The following CNTLN variants were observed in gnomAD, a reference collection of about 807,000 sequenced individuals.
CNTLN encodes centlein, centrosomal protein.
In CNTLN, 212 loss-of-function variants were observed where a neutral mutation model predicts 180.0. That is an observed-to-expected ratio of 1.18 (90% confidence interval 1.05 to 1.32). The LOEUF is 1.32. Ranked by LOEUF, CNTLN falls within the 40% of genes most tolerant of loss-of-function variation. The probability of loss-of-function intolerance (pLI) is 0.00; values close to 1 mark genes in which losing one functional copy is unlikely to be tolerated. For synonymous variants in CNTLN, 722 were observed against 563.1 expected (o/e 1.28, Z -3.99); for missense variants, 2,095 against 1,610.9 (o/e 1.30, Z -5.14).
At chr9:17,360,179 T>C (rs1456390984) in intron 12 of CNTLN, among the ~76,000 whole-genome samples, 1 of 152,228 alleles carries the variant, frequency 6.6e-6, no homozygotes, top group Non-Finnish European at 1.5e-5. Flanking sequence ...TCTTGGATTC[T>C]TCTTTGAAAG....
intron 15 of CNTLN, among the ~76,000 whole-genome samples, chr9:17,404,924 A>T (rs1564076579): frequency 6.6e-6 from 1 of 151,372 alleles, no homozygotes; most frequent in African/African-American, 2.4e-5. Flanking sequence ...TTTTAGTAGA[A>T]ATGGGGTTTC....
the CNTLN span, among the ~76,000 whole-genome samples, chr9:17,521,265 A>AGAGAGAGAGAG: frequency 9.4e-4 from 111 of 118,602 alleles, no homozygotes; most frequent in Non-Finnish European, 1.1e-3. Flanking sequence ...AAGGGAGAAA[A>AGAGAGAGAGAG]AGAGAGAGAG....
the CNTLN span, among the ~76,000 whole-genome samples, chr9:17,516,428 A>G: frequency 1.3e-5 from 2 of 152,228 alleles, no homozygotes; most frequent in African/African-American, 4.8e-5. Context: ...TTTATGTGAT[A>G]TGGGAACCTT....
At chr9:17,334,587 A>G (rs1016522307) in intron 10 of CNTLN, among the ~76,000 whole-genome samples, 2 of 152,216 alleles carry the variant, frequency 1.3e-5, no homozygotes, top group Admixed American at 6.5e-5. Flanking sequence ...CTATGCAGCC[A>G]TAAGAAAGAA....
intron 2 of CNTLN, among the ~76,000 whole-genome samples, chr9:17,164,982 C>A (rs969349407): frequency 6.6e-6 from 1 of 151,312 alleles, no homozygotes; most frequent in Non-Finnish European, 1.5e-5. Flanking sequence ...ATTACAGGTG[C>A]CTGCCATGAT....
At chr9:17,266,530 G>A (rs1372928643) in intron 5 of CNTLN, among the ~76,000 whole-genome samples, 6 of 152,156 alleles carry the variant, frequency 3.9e-5, no homozygotes. Context: ...TTGGGGTGGA[G>A]AGTTCTGTAG....
In CNTLN at chr9:17,388,399, A is replaced by C. The variant is rs950026012; in HGVS notation, c.2079+146A>C. The C allele has an allele frequency of 8.8e-6, 5 of 570,932 alleles. No homozygotes were observed. The African/African-American group carries it at 9.3e-5, about 11-fold the overall frequency. 35.4% of individuals were successfully genotyped at this position (570,932 alleles called of 1,614,324 possible). On this transcript the variant is annotated intron_variant, in intron 14 of 25. Coordinates refer to ENST00000380647, the MANE Select transcript of CNTLN (RefSeq NM_017738.4). ...ATAATTCAAAATCATTGGCTTGCCA[A>C]AATGGGGTAAAAAAAATCAATGTTA...
chr9:17,218,679 G>A (rs190881181), intron 2 of CNTLN, among the ~76,000 whole-genome samples: 2 of 152,056 alleles, frequency 1.3e-5, no homozygotes, highest in African/African-American at 2.4e-5. Flanking sequence ...GAAAGAAAAC[G>A]TTAGTCCAAT....
At chr9:17,340,267 C>G (rs1315219268) in intron 10 of CNTLN, among the ~76,000 whole-genome samples, 1 of 152,170 alleles carries the variant, frequency 6.6e-6, no homozygotes, top group Non-Finnish European at 1.5e-5. Context: ...GTAAGCCTAG[C>G]TTTCCCATTC....
chr9:17,511,648 T>TCTCACACACACACA, the CNTLN span, among the ~76,000 whole-genome samples: 13 of 146,686 alleles, frequency 8.9e-5, no homozygotes, highest in African/African-American at 3.3e-4. Flanking sequence ...TCTCTCTCTC[T>TCTCACACACACACA]CACACACACA....
At chr9:17,393,258 A>G (rs1175132301) in intron 14 of CNTLN, among the ~76,000 whole-genome samples, 2 of 152,180 alleles carry the variant, frequency 1.3e-5, no homozygotes, top group Non-Finnish European at 2.9e-5. Context: ...CATGCCATCA[A>G]ACTAGTGAAC....
chr9:17,346,158 T>C (rs10116428), intron 12 of CNTLN, among the ~76,000 whole-genome samples: 89,788 of 151,356 alleles, frequency 0.59, 26,866 homozygotes, highest in East Asian at 0.73. Flanking sequence ...CAAGGACCTT[T>C]TTCGCATGGT....
At chr9:17,144,950 T>G (rs1818351552) in intron 2 of CNTLN, among the ~76,000 whole-genome samples, 1 of 151,270 alleles carries the variant, frequency 6.6e-6, no homozygotes, top group African/African-American at 2.4e-5. Context: ...CACGCCATTC[T>G]CCTGCCTCAG....
chr9:17,161,724 A>G (rs1487108898), intron 2 of CNTLN, among the ~76,000 whole-genome samples: 1 of 152,198 alleles, frequency 6.6e-6, no homozygotes, highest in East Asian at 1.9e-4. Context: ...TATATTGTGA[A>G]TAATTTTGTA....
At chr9:17,187,771 A>G (rs1357124871) in intron 2 of CNTLN, among the ~76,000 whole-genome samples, 1 of 151,480 alleles carries the variant, frequency 6.6e-6, no homozygotes, top group Non-Finnish European at 1.5e-5. Context: ...TATTGCAATG[A>G]TGAATGTATT....
chr9:17,381,314 C>T (rs1454064579), intron 13 of CNTLN, among the ~76,000 whole-genome samples: 2 of 152,222 alleles, frequency 1.3e-5, no homozygotes, highest in African/African-American at 4.8e-5. Flanking sequence ...TCCCAAATTT[C>T]AATGGCCAGT....
chr9:17,299,639 C>T (rs951828333), intron 7 of CNTLN: 4 of 985,262 alleles, frequency 4.1e-6, no homozygotes, highest in Non-Finnish European at 4.8e-6. Flanking sequence ...TCCACTTCAG[C>T]TAGAGCAGTG....
At chr9:17,495,041 G>A (rs763253805) in intron 25 of CNTLN, 14 of 390,784 alleles carry the variant, frequency 3.6e-5, no homozygotes, top group Non-Finnish European at 6.5e-5. Context: ...ACCATGCCCA[G>A]CTAATTTTTT....
chr9:17,416,658 T>G (rs939203926), intron 18 of CNTLN, among the ~76,000 whole-genome samples: 1 of 152,188 alleles, frequency 6.6e-6, no homozygotes, highest in Non-Finnish European at 1.5e-5. Context: ...TCTATTTTAA[T>G]GTATTCCAGT....
Sources: allele counts gnomAD v4.1 joint callset (sites outside exome capture counted in the v4.1 genomes callset), GRCh38; gene constraint gnomAD v4.1.1; transcripts MANE v1.5; gene names NCBI Gene and HGNC (gene_info 2026-07-23, HGNC 2026-07-21).